Variants in KLK7 observed in about 807,000 individuals in gnomAD.
KLK7 encodes kallikrein related peptidase 7.
In KLK7, 17 loss-of-function variants were observed where a neutral mutation model predicts 21.0. That is an observed-to-expected ratio of 0.81 (90% CI 0.55 to 1.21). The LOEUF (loss-of-function observed/expected upper bound fraction) is 1.21. KLK7 is among the 50% of genes most tolerant of loss of function. The probability of loss-of-function intolerance (pLI) is 0.00; values close to 1 mark genes in which losing one functional copy is unlikely to be tolerated. For missense variants in KLK7, 330 were observed against 322.8 expected (o/e 1.02, Z -0.17); for synonymous variants, 151 against 134.6 (o/e 1.12, Z -0.85).
chr19:50,977,254 C>A lies in KLK7; in HGVS notation c.*282G>T. 1 of 355,736 alleles carries A rather than the reference C, an allele frequency of 2.8e-6. No individual in the cohort carries two copies. The highest frequency in any genetic ancestry group is 5.1e-6 in the Non-Finnish European group (1 of 196,816). 22.0% of individuals were successfully genotyped at this position (355,736 alleles called of 1,614,324 possible). On this transcript the variant is annotated 3_prime_UTR_variant, in exon 6 of 6. Coordinates refer to ENST00000595820, the MANE Select transcript of KLK7 (RefSeq NM_005046.4). ...GGTGGTGAATAAGGGTCTCGGTGTA[C>A]GTTGACCAAGTGTCTTCCGTAAAGA...
chr19:50,981,697 C>T, intron 3 of KLK7, 70 bp downstream of exon 3: 2 of 1,410,516 alleles, frequency 1.4e-6, no homozygotes, highest in South Asian at 1.4e-5. Flanking sequence ...CACAGAAAGA[C>T]TGCCCTTCCA....
intron 3 of KLK7, 72 bp from the exon 4 acceptor site, chr19:50,980,559 G>A (rs181937094): frequency 2.2e-5 from 35 of 1,592,488 alleles, no homozygotes; most frequent in Admixed American, 6.7e-5. Context: ...CCTGGGGGAC[G>A]GGGTGGGGAC....
chr19:50,980,042 T>G, intron 4 of KLK7, 118 bp from the exon 5 acceptor site: 1 of 1,344,258 alleles, frequency 7.4e-7, no homozygotes, highest in Non-Finnish European at 1.0e-6. Flanking sequence ...GACTGCTGGG[T>G]CTGAGGGAGG....
At chr19:50,983,950 C>T, upstream of KLK7, 3 of 1,286,044 alleles carry the variant, frequency 2.3e-6, no homozygotes, top group Non-Finnish European at 3.0e-6. Context: ...TTATATCACC[C>T]CCCGCCCCAT....
chr19:50,981,902 T>C lies in KLK7; in HGVS notation c.86A>G (p.Lys29Arg). The part of the protein sequence containing the change: ...ETAGEEAQGD[K>R]IIDGAPCARG... ...TGCACATGGGGCGCCATCAATAATC[T>C]TGTCACCCTGGGCTGGATGGAGACA... The change falls in exon 3 of 6, where the codon AAG (lysine) becomes AGG (arginine). Residue 29 changes from lysine (K) to arginine (R), a missense_variant. Transcript: ENST00000595820. The C allele has an allele frequency of 6.2e-7, 1 of 1,612,762 alleles. No homozygotes were observed. Among genetic ancestry groups the C allele is most frequent in the Non-Finnish European group, 8.5e-7 (1 of 1,179,622 alleles).
At chr19:50,983,276 TCCAGGCCCCAGCCC>T (rs2091105360) in intron 1 of KLK7, among the ~76,000 whole-genome samples, 1 of 11,600 alleles carries the variant, frequency 8.6e-5, no homozygotes, top group African/African-American at 7.2e-4. Flanking sequence ...GACCCAGGAG[TCCAGGCCCCAGCCC>T]CTCCTCCCTC....
In KLK7 at chr19:50,980,332, G is replaced by T. The variant is rs2091068489; in HGVS notation, c.377C>A (p.Ser126Tyr). 2.5e-6 allele frequency: 4 copies of T among 1,614,054 alleles called. No individual in the cohort carries two copies. The highest frequency in any genetic ancestry group is 3.4e-6 in the Non-Finnish European group (4 of 1,179,976). ...VKLNSQARLS[S>Y]MVKKVRLPSR... is the part of the protein sequence containing the mutation. ...GGGCAGCCTGACTTTCTTCACCATG[G>T]ATGACAGCCTGGCCTGGCTATTGAG... The change falls in exon 4 of 6, where the codon TCC (serine) becomes TAC (tyrosine). Residue 126 changes from serine (S) to tyrosine (Y), a missense_variant. By Grantham distance (144) the Ser-to-Tyr change is moderately radical. Coordinates refer to ENST00000595820, the MANE Select transcript of KLK7 (RefSeq NM_005046.4).
chr19:50,983,234 C>T (rs1323125155), intron 1 of KLK7, among the ~76,000 whole-genome samples: 3 of 98,350 alleles, frequency 3.1e-5, no homozygotes, highest in African/African-American at 4.7e-5. Flanking sequence ...CCCTCAGACC[C>T]AGGAGTCCAG....
chr19:50,982,581 G>C (rs1416443564), intron 1 of KLK7, 124 bp from the exon 2 acceptor site: 45 of 675,344 alleles, frequency 6.7e-5, no homozygotes, highest in Non-Finnish European at 9.5e-5. Flanking sequence ...AGACCCAGGG[G>C]TCCAGGCCCC....
intron 4 of KLK7, 89 bp downstream of exon 4, chr19:50,980,151 T>A: frequency 7.1e-7 from 1 of 1,409,158 alleles, no homozygotes; most frequent in South Asian, 1.3e-5. Flanking sequence ...GACTCCTGGG[T>A]CTGAGGGAGG....
At chr19:50,982,551 GCCCCAGCCC>G in intron 1 of KLK7, 94 bp from the exon 2 acceptor site, 2 of 271,346 alleles carry the variant, frequency 7.4e-6, no homozygotes, top group Middle Eastern at 1.4e-3. Flanking sequence ...AGGAGTCCAG[GCCCCAGCCC>G]CTCCTCCCTC....
At chr19:50,980,007 C>A in intron 4 of KLK7, 83 bp from the exon 5 acceptor site, 1 of 1,477,982 alleles carries the variant, frequency 6.8e-7, no homozygotes, top group African/African-American at 1.4e-5. Context: ...CTCCTGGTTC[C>A]GAGGGAGGAG....
chr19:50,982,816 G>A (rs1280122076), intron 1 of KLK7, among the ~76,000 whole-genome samples: 1 of 100,678 alleles, frequency 9.9e-6, no homozygotes, highest in Non-Finnish European at 2.0e-5. Context: ...CAGGCCCCCA[G>A]CTCCTCCTCC....
At position 50,977,698 on chromosome 19, in the gene KLK7, G is replaced by A. The variant is rs1251449439; in HGVS notation, c.607-7C>T. The stretch of plus-strand genomic sequence containing the variant: ...ACGGTCCCCCTGAGTCACCCTAGAG[G>A]GAATAGAGCCGGAGATTAACTTTGG... On this transcript the variant is annotated splice_polypyrimidine_tract_variant and splice_region_variant and intron_variant, in intron 5 of 5. Coordinates refer to ENST00000595820, the MANE Select transcript of KLK7 (RefSeq NM_005046.4). 3.1e-6 allele frequency: 5 copies of A among 1,610,316 alleles called. No individual in the cohort carries two copies. Among genetic ancestry groups the A allele is most frequent in the Non-Finnish European group, 4.2e-6 (5 of 1,178,302 alleles).
chr19:50,982,556 AGCCCC>A, intron 1 of KLK7, 99 bp from the exon 2 acceptor site: 1 of 219,242 alleles, frequency 4.6e-6, no homozygotes, highest in South Asian at 7.2e-5. Flanking sequence ...TCCAGGCCCC[AGCCCC>A]TCCTCCCTCA....
intron 3 of KLK7, among the ~76,000 whole-genome samples, chr19:50,980,712 A>G (rs1294361716): frequency 1.0e-5 from 1 of 96,810 alleles, no homozygotes; most frequent in African/African-American, 4.2e-5. Context: ...AGGGGGGGAC[A>G]GAGACCCAGA....
chr19:50,981,760 C>T lies in KLK7; in HGVS notation c.221+7G>A, dbSNP rs1261733353. Reference sequence around the variant, plus strand: ...GCACCTCCAGCAGAGACTTGGGCGGCACCTACTTCATCTTGCAGTGGGCGG... The same window carrying T: ...GCACCTCCAGCAGAGACTTGGGCGGTACCTACTTCATCTTGCAGTGGGCGG... On this transcript the variant is annotated splice_region_variant and intron_variant, in intron 3 of 5. Transcript: ENST00000595820. The T allele has an allele frequency of 1.3e-6, 2 of 1,562,500 alleles. No homozygotes were observed. Among genetic ancestry groups the T allele is most frequent in the South Asian group, 1.2e-5 (1 of 84,822 alleles).
intron 5 of KLK7, among the ~76,000 whole-genome samples, chr19:50,979,483 C>T (rs1035264811): frequency 1.2e-4 from 18 of 152,192 alleles, no homozygotes; most frequent in Admixed American, 9.8e-4. Context: ...ATCTCAATCA[C>T]TGAGGTTTTT....
At chr19:50,980,713 G>C (rs532549639) in intron 3 of KLK7, among the ~76,000 whole-genome samples, 1 of 103,336 alleles carries the variant, frequency 9.7e-6, no homozygotes, top group East Asian at 3.3e-4. Flanking sequence ...GGGGGGGACA[G>C]AGACCCAGAG....
Sources: gnomAD v4.1 joint callset for allele counts (sites outside exome capture counted in the v4.1 genomes callset) on GRCh38, gnomAD v4.1.1 for gene constraint, MANE v1.5 for transcripts, NCBI Gene and HGNC (gene_info 2026-07-23, HGNC 2026-07-21) for gene names.